Variants in ADAMTSL1 observed in about 807,000 individuals in gnomAD.
The protein encoded by ADAMTSL1 is ADAMTS like 1.
Under a neutral mutation model 201.8 loss-of-function variants are expected in ADAMTSL1, and 126 were observed. The ratio of observed to expected loss-of-function variants is 0.62; its 90% CI spans 0.54 to 0.72. The LOEUF (loss-of-function observed/expected upper bound fraction) is 0.72, where lower values mean the gene tolerates loss of function less well. Among genes scored for constraint, ADAMTSL1 ranks in the 30% least tolerant of loss-of-function variants. The pLI is 0.00. For missense variants in ADAMTSL1, 2,679 were observed against 2,277.8 expected (o/e 1.18, Z -3.59); for synonymous variants, 1,121 against 903.4 (o/e 1.24, Z -4.32).
chr9:18,738,514 C>T (rs1339296255), intron 15 of ADAMTSL1, among the ~76,000 whole-genome samples: 1 of 152,130 alleles, frequency 6.6e-6, no homozygotes, highest in African/African-American at 2.4e-5. Context: ...TTCAGCTGAC[C>T]TCCGTGTGGC....
intron 25 of ADAMTSL1, chr9:18,890,566 G>A (rs1171014956): frequency 2.2e-6 from 1 of 455,896 alleles, no homozygotes; most frequent in Admixed American, 2.3e-5. Flanking sequence ...GAGTCATAAG[G>A]AGCAGCTGAA....
At chr9:18,786,393 C>A (rs1199614656) in intron 19 of ADAMTSL1, among the ~76,000 whole-genome samples, 1 of 152,208 alleles carries the variant, frequency 6.6e-6, no homozygotes, top group Admixed American at 6.5e-5. Flanking sequence ...GGAATCAGAG[C>A]AACTTTGGCA....
chr9:18,144,050 C>A (rs999399137), intron 1 of ADAMTSL1, among the ~76,000 whole-genome samples: 1 of 152,158 alleles, frequency 6.6e-6, no homozygotes, highest in Non-Finnish European at 1.5e-5. Flanking sequence ...CAGTTTCTTA[C>A]TATCTTCAGA....
At chr9:18,634,641 C>T (rs1826983177) in intron 5 of ADAMTSL1, among the ~76,000 whole-genome samples, 2 of 151,696 alleles carry the variant, frequency 1.3e-5, no homozygotes, top group African/African-American at 4.8e-5. Context: ...AGTTCGAGAC[C>T]AGTCTGGCCA....
intron 2 of ADAMTSL1, among the ~76,000 whole-genome samples, chr9:18,413,254 TC>T (rs1818529284): frequency 2.6e-5 from 4 of 151,564 alleles, no homozygotes; most frequent in African/African-American, 9.7e-5. Context: ...AACCTTCGCC[TC>T]CTAGGTTCAA....
intron 2 of ADAMTSL1, among the ~76,000 whole-genome samples, chr9:18,193,707 T>G (rs1210371772): frequency 6.6e-6 from 1 of 152,170 alleles, no homozygotes; most frequent in East Asian, 1.9e-4. Flanking sequence ...TTGGACAGCC[T>G]ACTCCCATAG....
chr9:17,985,813 A>G (rs953769928), intron 1 of ADAMTSL1, among the ~76,000 whole-genome samples: 2 of 152,146 alleles, frequency 1.3e-5, no homozygotes, highest in African/African-American at 2.4e-5. Flanking sequence ...AAAGAGCAAC[A>G]TCTGGAGTTT....
At chr9:18,225,105 T>TAAA in intron 2 of ADAMTSL1, among the ~76,000 whole-genome samples, 1 of 152,152 alleles carries the variant, frequency 6.6e-6, no homozygotes, top group Non-Finnish European at 1.5e-5. Flanking sequence ...AAGCCTAAGG[T>TAAA]AAAAGTTAAT....
At chr9:18,746,755 G>C (rs1327491748) in intron 15 of ADAMTSL1, among the ~76,000 whole-genome samples, 1 of 141,408 alleles carries the variant, frequency 7.1e-6, no homozygotes, top group East Asian at 2.1e-4. Flanking sequence ...CACATAATGA[G>C]CCCTTGTCCA....
intron 1 of ADAMTSL1, among the ~76,000 whole-genome samples, chr9:18,013,658 T>A (rs1402601074): frequency 6.6e-6 from 1 of 152,056 alleles, no homozygotes; most frequent in African/African-American, 2.4e-5. Context: ...GTTACTCAAC[T>A]TTAGTTTTAC....
chr9:18,287,989 G>T (rs1348968460), intron 2 of ADAMTSL1, among the ~76,000 whole-genome samples: 2 of 152,130 alleles, frequency 1.3e-5, no homozygotes, highest in Non-Finnish European at 2.9e-5. Context: ...AGTGTATTGA[G>T]ATTGAGTTCT....
At chr9:18,599,948 C>T (rs1331015137) in intron 4 of ADAMTSL1, among the ~76,000 whole-genome samples, 2 of 135,516 alleles carry the variant, frequency 1.5e-5, no homozygotes, top group Admixed American at 8.5e-5. Context: ...GTCAGGAAAT[C>T]GAGATCATCC....
chr9:17,939,474 A>G (rs1344175030), intron 1 of ADAMTSL1, among the ~76,000 whole-genome samples: 1 of 151,940 alleles, frequency 6.6e-6, no homozygotes, highest in African/African-American at 2.4e-5. Context: ...GTGTCTTTTC[A>G]TCTCATTCAG....
At chr9:17,951,562 T>C (rs1827728626) in intron 1 of ADAMTSL1, among the ~76,000 whole-genome samples, 2 of 152,106 alleles carry the variant, frequency 1.3e-5, no homozygotes, top group Admixed American at 1.3e-4. Context: ...GCTGAATCCC[T>C]TTCTCTAGGT....
At chr9:18,703,729 T>TATATATATATATATATATATATATATTG (rs1832068158) in intron 13 of ADAMTSL1, among the ~76,000 whole-genome samples, 1 of 126,174 alleles carries the variant, frequency 7.9e-6, no homozygotes, top group Non-Finnish European at 1.7e-5. Flanking sequence ...TATATATATA[T>TATATATATATATATATATATATATATTG]ATATATGTTT....
At position 18,636,033 on chromosome 9, in the gene ADAMTSL1, G is replaced by A. The variant is rs1827091414; in HGVS notation, c.676+16G>A. 1 of 1,556,578 alleles carries A rather than the reference G, an allele frequency of 6.4e-7. No homozygotes were observed. Among genetic ancestry groups the A allele is most frequent in the Non-Finnish European group, 8.6e-7 (1 of 1,159,218 alleles). On this transcript the variant is annotated intron_variant, in intron 6 of 28. Coordinates refer to ENST00000380548, the MANE Select transcript of ADAMTSL1 (RefSeq NM_001040272.6). ...GATCACTTATGTAAGTAACTCCATT[G>A]TTTTCCTTTGGGAATTGGGAATTGT...
intron 26 of ADAMTSL1, among the ~76,000 whole-genome samples, chr9:18,894,716 T>C (rs10811055): frequency 0.11 from 17,237 of 152,186 alleles, 1,119 homozygotes; most frequent in East Asian, 0.2. Context: ...GTTGCACATA[T>C]AGGTCTGGGA....
intron 8 of ADAMTSL1, 39 bp downstream of exon 8, chr9:18,657,789 G>T: frequency 1.3e-6 from 2 of 1,524,222 alleles, no homozygotes; most frequent in Non-Finnish European, 1.8e-6. Flanking sequence ...GTTGGCTTCT[G>T]TGAGGAAATA....
intron 23 of ADAMTSL1, among the ~76,000 whole-genome samples, chr9:18,883,302 C>T (rs1176551797): frequency 6.6e-6 from 1 of 152,158 alleles, no homozygotes; most frequent in Admixed American, 6.5e-5. Context: ...CTCTTGGGAT[C>T]ATCAGGCCAG....
Sources: allele counts gnomAD v4.1 joint callset (sites outside exome capture counted in the v4.1 genomes callset), GRCh38; gene constraint gnomAD v4.1.1; transcripts MANE v1.5; gene names NCBI Gene and HGNC (gene_info 2026-07-23, HGNC 2026-07-21).